Variants in LRMDA observed in about 807,000 individuals in gnomAD.
LRMDA encodes leucine-rich melanocyte differentiation-associated protein.
A neutral mutation model predicts 29.8 loss-of-function variants in LRMDA; 18 were observed. The observed-to-expected ratio is 0.60, with a 90% CI of 0.42 to 0.90. LRMDA has a LOEUF of 0.90. LRMDA is among the 40% of genes least tolerant of loss of function. The pLI is 0.00. For synonymous variants in LRMDA, 125 were observed against 109.4 expected, an observed-to-expected ratio of 1.14 and a Z score of -0.89; for missense variants, 273 against 273.9, an observed-to-expected ratio of 1.00 and a Z score of 0.02.
chr10:75,560,306 G>T (rs1258330739), intron 2 of LRMDA, among the ~76,000 whole-genome samples: 30 of 149,734 alleles, frequency 2.0e-4, no homozygotes, highest in South Asian at 6.4e-4. Flanking sequence ...TTGTGAATGG[G>T]AGTTCACTCA....
At chr10:75,622,006 G>A (rs1203759903) in intron 2 of LRMDA, among the ~76,000 whole-genome samples, 29 of 152,098 alleles carry the variant, frequency 1.9e-4, no homozygotes, top group Non-Finnish European at 2.9e-5. Context: ...CATAATCCGG[G>A]GGCCTCAGTA....
At chr10:76,473,151 T>G (rs1842634658) in intron 6 of LRMDA, among the ~76,000 whole-genome samples, 1 of 151,454 alleles carries the variant, frequency 6.6e-6, no homozygotes, top group Non-Finnish European at 1.5e-5. Context: ...TGTACAAATA[T>G]TACACACAAT....
At chr10:76,023,899 A>C (rs1214199326) in intron 2 of LRMDA, among the ~76,000 whole-genome samples, 1 of 152,264 alleles carries the variant, frequency 6.6e-6, no homozygotes, top group East Asian at 1.9e-4. Flanking sequence ...TCAGCTAAAC[A>C]ACAATTGGTC....
intron 2 of LRMDA, among the ~76,000 whole-genome samples, chr10:75,732,337 CA>C (rs1842709710): frequency 6.6e-6 from 1 of 152,184 alleles, no homozygotes; most frequent in Non-Finnish European, 1.5e-5. Flanking sequence ...AATCCTGGGG[CA>C]AGGTTCGTGC....
At chr10:76,311,704 T>A (rs543873777) in intron 5 of LRMDA, among the ~76,000 whole-genome samples, 13 of 152,340 alleles carry the variant, frequency 8.5e-5, no homozygotes, top group African/African-American at 2.9e-4. Context: ...GGTCGCCTCA[T>A]TAAGCCTGCA....
intron 2 of LRMDA, among the ~76,000 whole-genome samples, chr10:75,721,707 AG>A (rs1450038177): frequency 6.6e-6 from 1 of 152,346 alleles, no homozygotes; most frequent in Non-Finnish European, 1.5e-5. Flanking sequence ...TGTATTCCAA[AG>A]TACACTTTCT....
chr10:76,211,291 T>C (rs1161260138), intron 5 of LRMDA, among the ~76,000 whole-genome samples: 1 of 152,238 alleles, frequency 6.6e-6, no homozygotes, highest in African/African-American at 2.4e-5. Context: ...TCCAGATTCC[T>C]TTGATTCACA....
At chr10:76,137,215 C>G (rs1459284463) in intron 5 of LRMDA, among the ~76,000 whole-genome samples, 1 of 152,176 alleles carries the variant, frequency 6.6e-6, no homozygotes, top group Non-Finnish European at 1.5e-5. Context: ...TAAGCTAAAA[C>G]CCTTAGAGTT....
chr10:76,327,004 T>G (rs1191201102), intron 6 of LRMDA, among the ~76,000 whole-genome samples: 6 of 152,200 alleles, frequency 3.9e-5, no homozygotes, highest in Non-Finnish European at 7.3e-5. Flanking sequence ...GTTCATATTC[T>G]ACTTTGTATG....
intron 5 of LRMDA, among the ~76,000 whole-genome samples, chr10:76,185,788 A>G (rs1462435112): frequency 6.6e-6 from 1 of 152,234 alleles, no homozygotes; most frequent in Non-Finnish European, 1.5e-5. Flanking sequence ...AAATATGCTC[A>G]AAGTACATTT....
intron 2 of LRMDA, among the ~76,000 whole-genome samples, chr10:75,446,200 C>A (rs1844393560): frequency 6.6e-6 from 1 of 152,232 alleles, no homozygotes; most frequent in African/African-American, 2.4e-5. Flanking sequence ...TGAAAAGAAC[C>A]AAGGCTTTGG....
chr10:76,510,062 TG>T (rs1842994767), intron 6 of LRMDA, among the ~76,000 whole-genome samples: 1 of 152,142 alleles, frequency 6.6e-6, no homozygotes, highest in Non-Finnish European at 1.5e-5. Flanking sequence ...TTTCCATTTT[TG>T]TTGTTGTTTG....
At chr10:75,936,307 G>A (rs1195486512) in intron 2 of LRMDA, among the ~76,000 whole-genome samples, 1 of 152,160 alleles carries the variant, frequency 6.6e-6, no homozygotes, top group East Asian at 1.9e-4. Flanking sequence ...AACTCTGTAT[G>A]TAAATGTGGA....
At chr10:76,543,028 T>C (rs940231387) in intron 6 of LRMDA, among the ~76,000 whole-genome samples, 1 of 152,222 alleles carries the variant, frequency 6.6e-6, no homozygotes, top group South Asian at 2.1e-4. Context: ...GCGCAGGGTG[T>C]GTGCTTAAGG....
intron 6 of LRMDA, among the ~76,000 whole-genome samples, chr10:76,368,595 T>A (rs1841419125): frequency 6.6e-6 from 1 of 152,180 alleles, no homozygotes; most frequent in Non-Finnish European, 1.5e-5. Context: ...GGTGAAATGT[T>A]TTGTATATAT....
rs199627941 is a variant in LRMDA, at chr10:75,839,706, T to TC, written c.132-196302_132-196301insC. Among the ~76,000 whole-genome samples, 296 of 135,524 alleles carry TC rather than the reference T, an allele frequency of 2.2e-3. 6 individuals are homozygous for TC. The highest frequency in any genetic ancestry group is 7.5e-3 in the East Asian group (36 of 4,782). The allele number at this position is 135,524 out of a possible 152,430, so 88.9% of individuals were successfully genotyped here. On this transcript the variant is annotated intron_variant, in intron 2 of 6. Coordinates refer to ENST00000611255, the MANE Select transcript of LRMDA (RefSeq NM_001305581.2). ...TTAGGATGCATCCGACTTTCTTTTT[T>TC]TTTTTTTTTTTTTTTTTTTTGAGAC...
intron 6 of LRMDA, among the ~76,000 whole-genome samples, chr10:76,426,596 C>G (rs568043062): frequency 9.8e-5 from 15 of 152,292 alleles, no homozygotes; most frequent in South Asian, 4.2e-4. Flanking sequence ...TGCAGAAGCT[C>G]TTGAGTTTAA....
At chr10:75,815,796 A>G (rs59577751) in intron 2 of LRMDA, among the ~76,000 whole-genome samples, 2,017 of 152,330 alleles carry the variant, frequency 0.013, 50 homozygotes, top group African/African-American at 0.046. Context: ...CTGATATACT[A>G]ATGAACATTT....
chr10:76,038,212 G>A (rs1015447639), intron 3 of LRMDA, among the ~76,000 whole-genome samples: 2 of 152,192 alleles, frequency 1.3e-5, no homozygotes, highest in African/African-American at 4.8e-5. Context: ...TATCTTCTGT[G>A]AGCTTCTTTT....
Sources: gnomAD v4.1 joint callset for allele counts (sites outside exome capture counted in the v4.1 genomes callset) on GRCh38, gnomAD v4.1.1 for gene constraint, MANE v1.5 for transcripts, NCBI Gene and HGNC (gene_info 2026-07-23, HGNC 2026-07-21) for gene names.